Variants in KCTD16 observed in about 807,000 individuals in gnomAD.
KCTD16 encodes potassium channel tetramerization domain containing 16, also known as BTB/POZ domain-containing protein KCTD16.
A neutral mutation model predicts 33.2 loss-of-function variants in KCTD16; 13 were observed. The ratio of observed to expected loss-of-function variants is 0.39; its 90% CI spans 0.25 to 0.62. The LOEUF (loss-of-function observed/expected upper bound fraction) is 0.62. Among genes scored for constraint, KCTD16 ranks in the 20% least tolerant of loss-of-function variants. The pLI, the probability that KCTD16 is intolerant of heterozygous loss-of-function variation, is 0.50. For synonymous variants in KCTD16, 197 were observed against 195.3 expected, an observed-to-expected ratio of 1.01 and a Z score of -0.07; for missense variants, 441 against 525.1, an observed-to-expected ratio of 0.84 and a Z score of 1.57.
At position 144,480,664 on chromosome 5, in the gene KCTD16, C is replaced by T. The variant is rs988155196; in HGVS notation, c.*6550C>T. 2 of 151,706 alleles carry T rather than the reference C, an allele frequency of 1.3e-5. No individual in the cohort carries two copies. Among genetic ancestry groups the T allele is most frequent in the South Asian group, 2.1e-4 (1 of 4,822 alleles). 9.4% of individuals were successfully genotyped at this position (151,706 alleles called of 1,614,324 possible). A position where few individuals can be genotyped will look rare whatever the true frequency, so the allele number is the denominator to read the frequency against. On this transcript the variant is annotated 3_prime_UTR_variant, in exon 4 of 4. Coordinates refer to ENST00000512467, the MANE Select transcript of KCTD16 (RefSeq NM_020768.4). ...GCATACCAGAGATCTTTTGGCAATG[C>T]CTGGAGATATTTTTTGTTTCATGAT...
chr5:144,472,067 A>G (rs915407229), intron 3 of KCTD16, among the ~76,000 whole-genome samples: 1 of 152,214 alleles, frequency 6.6e-6, no homozygotes. Flanking sequence ...TACTTTGACT[A>G]TATTAGAAAT....
chr5:144,363,537 G>GT (rs138948199), intron 3 of KCTD16, among the ~76,000 whole-genome samples: 1,942 of 150,272 alleles, frequency 0.013, 31 homozygotes, highest in African/African-American at 0.043. Context: ...GCCTCTTACT[G>GT]TTTTTTTTTG....
intron 3 of KCTD16, among the ~76,000 whole-genome samples, chr5:144,359,790 A>G (rs1751662703): frequency 6.6e-6 from 1 of 151,800 alleles, no homozygotes; most frequent in Admixed American, 6.6e-5. Context: ...AAAAACCCTG[A>G]TATAGAATCA....
In KCTD16 at chr5:144,245,635, G is replaced by A. The variant is rs973882865; in HGVS notation, c.832+38089G>A. Among the ~76,000 whole-genome samples, 8 of 152,276 alleles carry A rather than the reference G, an allele frequency of 5.3e-5. 1 individual carries two copies. The highest frequency in any genetic ancestry group is 1.2e-4 in the African/African-American group (5 of 41,558). The stretch of plus-strand genomic sequence containing the variant: ...CCAATCTTGGAGGTCAGGTCTGGTG[G>A]GAGGTGATTGGATCATGGAGGCTGT... On this transcript the variant is annotated intron_variant, in intron 3 of 3. Transcript: ENST00000512467.
chr5:144,274,262 G>A (rs771939171), intron 3 of KCTD16, among the ~76,000 whole-genome samples: 1 of 151,346 alleles, frequency 6.6e-6, no homozygotes, highest in Non-Finnish European at 1.5e-5. Flanking sequence ...AACATAACCT[G>A]TAGGTTGTGG....
Position 144,206,766 on chromosome 5 carries a change from G to T in KCTD16, c.52G>T (p.Ala18Ser). The change falls in exon 3 of 4, where the codon GCA (alanine) becomes TCA (serine). Residue 18 changes from alanine (A) to serine (S), a missense_variant. This residue lies in a region of KCTD16 where 80 missense variants were observed against 88.5 expected (regional missense o/e 0.90). Transcript: ENST00000512467. ...TTATTATCCTCGAGAACAAGGGTCC[G>T]CAGTTCCCAACTCCTTCCCTGAGGT... ...SRYYPREQGS[A>S]VPNSFPEVVE... The T allele has an allele frequency of 6.2e-7, 1 of 1,614,104 alleles. No individual in the cohort carries two copies. Among genetic ancestry groups the T allele is most frequent in the Non-Finnish European group, 8.5e-7 (1 of 1,180,014 alleles).
chr5:144,484,836 G>A lies in KCTD16; in HGVS notation c.*10722G>A, dbSNP rs991693552. 6 of 152,026 alleles carry A rather than the reference G, an allele frequency of 3.9e-5. No homozygotes were observed. Among genetic ancestry groups the A allele is most frequent in the Admixed American group, 1.3e-4 (2 of 15,222 alleles). 9.4% of individuals were successfully genotyped at this position (152,026 alleles called of 1,614,324 possible). On this transcript the variant is annotated 3_prime_UTR_variant, in exon 4 of 4. Coordinates refer to ENST00000512467, the MANE Select transcript of KCTD16 (RefSeq NM_020768.4). ...CCTCTTCTCCTTTCCAATGCAGTTCGCTTGTACATAAATGTAACGTCATAT... is the reference window on the plus strand; with the variant it reads ...CCTCTTCTCCTTTCCAATGCAGTTCACTTGTACATAAATGTAACGTCATAT...
chr5:144,244,019 A>G (rs954679647), intron 3 of KCTD16, among the ~76,000 whole-genome samples: 154 of 152,154 alleles, frequency 1.0e-3, no homozygotes, highest in African/African-American at 3.7e-3. Context: ...CTAGGATTAC[A>G]GGCATGAGCC....
At position 144,438,213 on chromosome 5, in the gene KCTD16, A is replaced by G. The variant is rs573629585; in HGVS notation, c.833-35447A>G. 2.6e-5 allele frequency among the ~76,000 whole-genome samples: 4 copies of G among 152,340 alleles called. No individual in the cohort carries two copies. The East Asian group carries it at 7.7e-4, about 29-fold the overall frequency. On this transcript the variant is annotated intron_variant, in intron 3 of 3. Transcript: ENST00000512467. The stretch of plus-strand genomic sequence containing the variant: ...CAGCACTAGAGCATTTGTATGAGTA[A>G]GTCTGGAAACAGTACAATGTTCCTT...
chr5:144,185,483 C>A (rs868439208), intron 2 of KCTD16, among the ~76,000 whole-genome samples: 13 of 152,052 alleles, frequency 8.5e-5, no homozygotes, highest in African/African-American at 3.1e-4. Context: ...CAAATCACAT[C>A]TTTTTTGGCT....
At chr5:144,211,317 T>A (rs1753383928) in intron 3 of KCTD16, among the ~76,000 whole-genome samples, 1 of 152,160 alleles carries the variant, frequency 6.6e-6, no homozygotes, top group African/African-American at 2.4e-5. Flanking sequence ...GCATCTACCC[T>A]AAGATTATTC....
intron 3 of KCTD16, among the ~76,000 whole-genome samples, chr5:144,424,939 T>G (rs1753291016): frequency 6.6e-6 from 1 of 152,134 alleles, no homozygotes; most frequent in Non-Finnish European, 1.5e-5. Flanking sequence ...TCCCACAAAC[T>G]TATGTCCTCA....
At chr5:144,320,906 A>T (rs1265380532) in intron 3 of KCTD16, among the ~76,000 whole-genome samples, 1 of 152,090 alleles carries the variant, frequency 6.6e-6, no homozygotes, top group African/African-American at 2.4e-5. Context: ...TCCAGGCTGG[A>T]GTGCAATGGC....
At chr5:144,466,257 A>G (rs1239737270) in intron 3 of KCTD16, among the ~76,000 whole-genome samples, 1 of 107,806 alleles carries the variant, frequency 9.3e-6, no homozygotes, top group East Asian at 2.4e-4. Context: ...TTTTTTTTTC[A>G]TGAGCTAATT....
At chr5:144,448,609 T>C (rs904272958) in intron 3 of KCTD16, among the ~76,000 whole-genome samples, 5 of 152,104 alleles carry the variant, frequency 3.3e-5, no homozygotes, top group Admixed American at 2.6e-4. Flanking sequence ...TGGATTCTTA[T>C]CAGCAGTTGC....
intron 3 of KCTD16, among the ~76,000 whole-genome samples, chr5:144,258,315 A>G (rs1360701320): frequency 6.6e-6 from 1 of 151,850 alleles, no homozygotes. Flanking sequence ...TATTTAGAAT[A>G]GTATAGTAAT....
chr5:144,283,165 A>G (rs1755652561), intron 3 of KCTD16, among the ~76,000 whole-genome samples: 1 of 152,124 alleles, frequency 6.6e-6, no homozygotes, highest in Non-Finnish European at 1.5e-5. Flanking sequence ...CGTCATTTAC[A>G]TTAGGTATAT....
chr5:144,279,777 A>AT (rs1268547642), intron 3 of KCTD16, among the ~76,000 whole-genome samples: 14 of 152,246 alleles, frequency 9.2e-5, no homozygotes, highest in Non-Finnish European at 2.1e-4. Flanking sequence ...ACTTCTTAAC[A>AT]TTATTGCATT....
At chr5:144,335,552 A>G (rs748146942) in intron 3 of KCTD16, among the ~76,000 whole-genome samples, 1 of 152,128 alleles carries the variant, frequency 6.6e-6, no homozygotes, top group African/African-American at 2.4e-5. Context: ...ACACACACAC[A>G]CACAAACACA....
Sources: allele counts gnomAD v4.1 joint callset (sites outside exome capture counted in the v4.1 genomes callset), GRCh38; gene constraint gnomAD v4.1.1; regional missense constraint gnomAD v4.1.1; transcripts MANE v1.5; gene names NCBI Gene and HGNC (gene_info 2026-07-23, HGNC 2026-07-21).